The following MGAM variants were observed in gnomAD, a reference collection of about 807,000 sequenced individuals.
MGAM encodes alpha-1,4-glucosidase.
In MGAM, 253 loss-of-function variants were observed where a neutral mutation model predicts 358.8. The observed-to-expected ratio is 0.71, with a 90% CI of 0.64 to 0.78. The LOEUF (loss-of-function observed/expected upper bound fraction) is 0.78, where lower values mean the gene tolerates loss of function less well. MGAM is among the 30% of genes least tolerant of loss of function. The pLI is 0.00. For missense variants in MGAM, 3,080 were observed against 3,432.6 expected, an observed-to-expected ratio of 0.90 and a Z score of 2.57; for synonymous variants, 1,105 against 1,227.1, an observed-to-expected ratio of 0.90 and a Z score of 2.08.
In MGAM at chr7:142,069,353, G is replaced by C. The variant is rs1223803667; in HGVS notation, c.5061+650G>C. On this transcript the variant is annotated intron_variant, in intron 43 of 70. Transcript: ENST00000475668. ...CCCAAAGACTCAGCTGGGAAGCCAG[G>C]GTCTTCCCGGGCAGCTCTGGGGTGG... Among the ~76,000 whole-genome samples, 2 of 145,728 alleles carry C rather than the reference G, an allele frequency of 1.4e-5. 1 individual carries two copies. The highest frequency in any genetic ancestry group is 3.1e-5 in the Non-Finnish European group (2 of 64,358).
chr7:142,090,306 C>T (rs184020018), intron 57 of MGAM, among the ~76,000 whole-genome samples: 1 of 145,734 alleles, frequency 6.9e-6, no homozygotes, highest in African/African-American at 2.4e-5. Context: ...ATATGGGATA[C>T]AATTCTGACT....
rs560036580 is a variant in MGAM at position 142,087,381 on chromosome 7, C to T, written c.6810+664C>T. Among the ~76,000 whole-genome samples the T allele has an allele frequency of 3.4e-5, 5 of 146,108 alleles. 1 individual carries two copies. The Admixed American group carries it at 3.4e-4, about 10-fold the overall frequency. On this transcript the variant is annotated intron_variant, in intron 57 of 70. Transcript: ENST00000475668. Reference sequence around the variant, plus strand: ...TTCCAGATTCACTAAGCGTTTCTTGCTTGAATGATACATGGCTCCTTACAG... The same window carrying T: ...TTCCAGATTCACTAAGCGTTTCTTGTTTGAATGATACATGGCTCCTTACAG...
chr7:142,032,056 C>T (rs11979847), intron 13 of MGAM, among the ~76,000 whole-genome samples: 3,971 of 95,918 alleles, frequency 0.041, 59 homozygotes, highest in Middle Eastern at 0.16. Flanking sequence ...TTTTTTTTTA[C>T]GAAGGAATGA....
In MGAM at chr7:142,076,934, T is replaced by G. The variant is rs13310356; in HGVS notation, c.5493+108T>G. 368 of 1,262,136 alleles carry G rather than the reference T, an allele frequency of 2.9e-4. 14 individuals are homozygous for G. Among genetic ancestry groups the G allele is most frequent in the Middle Eastern group, 1.1e-3 (6 of 5,282 alleles). 78.2% of individuals were successfully genotyped at this position (1,262,136 alleles called of 1,614,324 possible). A position where few individuals can be genotyped will look rare whatever the true frequency, so the allele number is the denominator to read the frequency against. ...CCCTGAAGTACCAGGGCACCTTTGA[T>G]GCATGTTTTGGGGAATTGAGAGGGC... is the stretch of plus-strand genomic sequence containing the variant. On this transcript the variant is annotated intron_variant, in intron 47 of 70. Transcript: ENST00000475668.
intron 63 of MGAM, 113 bp downstream of exon 63, chr7:142,094,976 T>A: frequency 1.9e-6 from 2 of 1,059,210 alleles, no homozygotes; most frequent in Non-Finnish European, 2.6e-6. Context: ...TTTTTTTTTT[T>A]TCTTTTGAGA....
In MGAM at chr7:142,103,355, G is replaced by C; in HGVS notation, c.8100G>C (p.Val2700=). 3.1e-6 allele frequency: 5 copies of C among 1,613,008 alleles called. No individual in the cohort carries two copies. The highest frequency in any genetic ancestry group is 4.2e-6 in the Non-Finnish European group (5 of 1,179,392). ...TGGGCTACATTGAAATCTGGGGAGT[G>C]GGCAGTGTCCCCGTTACCAGTGTCA... ...LKLGYIEIWG[V]GSVPVTSVSI... The change falls in exon 70 of 71, where the codon GTG becomes GTC. Residue 2700 remains valine, a synonymous_variant. Coordinates refer to ENST00000475668, the MANE Select transcript of MGAM (RefSeq NM_001365693.1).
intron 42 of MGAM, among the ~76,000 whole-genome samples, chr7:142,067,988 T>TA: frequency 8.9e-5 from 1 of 11,202 alleles, no homozygotes; most frequent in African/African-American, 1.3e-4. Flanking sequence ...ATATATATAT[T>TA]TTTTTTTTTT....
At chr7:142,090,049 C>G (rs1815214573) in intron 57 of MGAM, among the ~76,000 whole-genome samples, 1 of 145,554 alleles carries the variant, frequency 6.9e-6, no homozygotes, top group Non-Finnish European at 1.6e-5. Context: ...TTGTAGCATG[C>G]AATGTGCCAC....
At chr7:142,093,339 C>T (rs1815574937) in intron 59 of MGAM, 73 bp from the exon 60 acceptor site, 1 of 1,457,354 alleles carries the variant, frequency 6.9e-7, no homozygotes, top group Non-Finnish European at 9.3e-7. Flanking sequence ...ATCCAGGGCC[C>T]AGTCCCTTGA....
At position 142,061,144 on chromosome 7, in the gene MGAM, C is replaced by T. The variant is rs114305118; in HGVS notation, c.4122+771C>T. ...CAGGCAAAGCCAGCACCTTGGAGAA[C>T]GGCAGAACATTTTTATGAAGTTGGA... On this transcript the variant is annotated intron_variant, in intron 34 of 70. Transcript: ENST00000475668. 3.9e-3 allele frequency among the ~76,000 whole-genome samples: 590 copies of T among 152,238 alleles called. 3 individuals are homozygous for T. The highest frequency in any genetic ancestry group is 5.3e-3 in the African/African-American group (221 of 41,526).
chr7:142,074,652 A>G (rs4401759), intron 45 of MGAM, among the ~76,000 whole-genome samples: 59,492 of 145,014 alleles, frequency 0.41, 16,509 homozygotes, highest in Middle Eastern at 0.6. Flanking sequence ...TAGGAAATAG[A>G]TTCCTTTGAA....
At position 142,056,047 on chromosome 7, in the gene MGAM, G is replaced by A. The variant is rs1176523983; in HGVS notation, c.3531G>A (p.Glu1177=). The stretch of plus-strand genomic sequence containing the variant: ...TCCACCCCTACTACATGGGGCTGGA[G>A]GAGGACGGCAGTGCCCATGGAGTGC... ...YGVHPYYMGL[E]EDGSAHGVLL... is the part of the protein sequence containing the mutation. Residue 1177 remains glutamate, a synonymous_variant, in exon 29 of 71, where the codon GAG becomes GAA. Transcript: ENST00000475668. 6.2e-7 allele frequency: 1 copy of A among 1,611,948 alleles called. No individual in the cohort carries two copies. The highest frequency in any genetic ancestry group is 1.7e-5 in the Admixed American group (1 of 59,790).
intron 24 of MGAM, among the ~76,000 whole-genome samples, 153 bp from the exon 25 acceptor site, chr7:142,052,141 C>T (rs1040003256): frequency 3.9e-5 from 6 of 152,028 alleles, no homozygotes; most frequent in African/African-American, 1.5e-4. Flanking sequence ...TCCCAATGTG[C>T]AGTTCTCTTC....
chr7:142,086,171 A>G (rs1417911750), intron 55 of MGAM, 47 bp from the exon 56 acceptor site: 2 of 1,474,552 alleles, frequency 1.4e-6, no homozygotes, highest in South Asian at 1.2e-5. Context: ...GTTTCTCTTC[A>G]TTCTGTGGCT....
At chr7:142,089,990 G>T (rs531984424) in intron 57 of MGAM, among the ~76,000 whole-genome samples, 5 of 146,008 alleles carry the variant, frequency 3.4e-5, no homozygotes, top group African/African-American at 1.2e-4. Context: ...TGAGTCCAAA[G>T]CTCCAGCAAT....
At chr7:142,071,209 C>T in intron 44 of MGAM, 91 bp downstream of exon 44, 1 of 1,369,218 alleles carries the variant, frequency 7.3e-7, no homozygotes, top group Non-Finnish European at 1.0e-6. Flanking sequence ...CACTTTCAAA[C>T]CCACATGCAA....
chr7:142,097,574 T>G lies in MGAM; in HGVS notation c.7693-19T>G, dbSNP rs1223829920. The G allele has an allele frequency of 6.2e-7, 1 of 1,609,382 alleles. No individual in the cohort carries two copies. Among genetic ancestry groups the G allele is most frequent in the African/African-American group, 1.3e-5 (1 of 74,850 alleles). ...GGAAAATGGTGCCACTGCCACACCT[T>G]GTTTATGTTTCATTTTAGAATGCCA... On this transcript the variant is annotated intron_variant, in intron 65 of 70. Coordinates refer to ENST00000475668, the MANE Select transcript of MGAM (RefSeq NM_001365693.1).
At position 142,050,296 on chromosome 7, in the gene MGAM, A is replaced by AT. The variant is rs1810819611; in HGVS notation, c.2637+17dup. 1 of 1,611,680 alleles carries AT rather than the reference A, an allele frequency of 6.2e-7. No individual in the cohort carries two copies. The highest frequency in any genetic ancestry group is 1.1e-5 in the South Asian group (1 of 91,044). On this transcript the variant is annotated intron_variant, in intron 23 of 70. Coordinates refer to ENST00000475668, the MANE Select transcript of MGAM (RefSeq NM_001365693.1). ...TTTCTGTCACTCAAGTGAGTAGCAT[A>AT]TTTTTATGAATCTTAGGTGTGGGCT...
intron 4 of MGAM, 60 bp downstream of exon 4, chr7:142,019,379 C>T: frequency 6.4e-7 from 1 of 1,569,952 alleles, no homozygotes; most frequent in Non-Finnish European, 8.7e-7. Flanking sequence ...GACTCTGTAT[C>T]CCCCAGGGGC....
Sources: gnomAD v4.1 joint callset for allele counts (sites outside exome capture counted in the v4.1 genomes callset) on GRCh38, gnomAD v4.1.1 for gene constraint, MANE v1.5 for transcripts, NCBI Gene and HGNC (gene_info 2026-07-23, HGNC 2026-07-21) for gene names.